The following STK24 variants were observed in gnomAD, a reference collection of about 807,000 sequenced individuals.
STK24 encodes the protein serine/threonine kinase 24, also known as serine/threonine-protein kinase 24.
In STK24, 21 loss-of-function variants were observed where a neutral mutation model predicts 55.6. The observed-to-expected ratio is 0.38, with a 90% CI of 0.27 to 0.54. The LOEUF (loss-of-function observed/expected upper bound fraction) is 0.54. Ranked by LOEUF, STK24 falls within the 20% of genes least tolerant of loss-of-function variation. The pLI is 0.79. For synonymous variants in STK24, 200 were observed against 215.2 expected, an observed-to-expected ratio of 0.93 and a Z score of 0.62; for missense variants, 383 against 538.4, an observed-to-expected ratio of 0.71 and a Z score of 2.86.
chr13:98,446,547 C>G lies in STK24; in HGVS notation c.*6626G>C. The G allele has an allele frequency of 9.6e-7, 1 of 1,046,816 alleles. No homozygotes were observed. The highest frequency in any genetic ancestry group is 1.4e-5 in the South Asian group (1 of 69,498). 64.8% of individuals were successfully genotyped at this position (1,046,816 alleles called of 1,614,324 possible). A position where few individuals can be genotyped will look rare whatever the true frequency, so the allele number is the denominator to read the frequency against. On this transcript the variant is annotated 3_prime_UTR_variant, in exon 11 of 11. Transcript: ENST00000539966. ...CTGGCTGCCATGGTCCCTTCCAGGC[C>G]CACGCCCGAGGAGGGAGCTGCCTGG...
intron 1 of STK24, among the ~76,000 whole-genome samples, chr13:98,524,279 C>T (rs965634604): frequency 6.6e-6 from 1 of 151,952 alleles, no homozygotes; most frequent in African/African-American, 2.4e-5. Flanking sequence ...GAGCAGCCCA[C>T]ACCTTGAACC....
At chr13:98,462,512 C>T (rs1264981587) in intron 7 of STK24, among the ~76,000 whole-genome samples, 1 of 152,126 alleles carries the variant, frequency 6.6e-6, no homozygotes, top group African/African-American at 2.4e-5. Context: ...CCTGTGGCCC[C>T]ATTAAGCCTG....
Position 98,541,888 on chromosome 13 carries a change from A to C in STK24, c.43-22415T>G, listed in dbSNP as rs1435934760. On this transcript the variant is annotated intron_variant, in intron 1 of 10. Transcript: ENST00000539966. ...ATAAATTCCGGGAAATGTGGAATAG[A>C]GTGAGCAATACTTTTCCACTCACTA... 2.6e-5 allele frequency among the ~76,000 whole-genome samples: 4 copies of C among 152,204 alleles called. 1 individual carries two copies. Among genetic ancestry groups the C allele is most frequent in the Admixed American group, 2.0e-4 (3 of 15,282 alleles).
chr13:98,480,518 C>T (rs7994182), intron 3 of STK24, among the ~76,000 whole-genome samples: 4,194 of 152,226 alleles, frequency 0.028, 183 homozygotes, highest in African/African-American at 0.095. Context: ...TAAAAGTAAT[C>T]CCACTACATT....
At position 98,565,109 on chromosome 13, in the gene STK24, T is replaced by C. The variant is rs147526926; in HGVS notation, c.42+11636A>G. The stretch of plus-strand genomic sequence containing the variant: ...CTGCTTTTCAAATGGGCAAGGCTAC[T>C]GTGTGCTTCACTAGAGTGGGGAGCA... On this transcript the variant is annotated intron_variant, in intron 1 of 10. Coordinates refer to ENST00000539966, the MANE Select transcript of STK24 (RefSeq NM_001032296.4). Among the ~76,000 whole-genome samples the C allele has an allele frequency of 3.2e-3, 491 of 152,334 alleles. 1 individual carries two copies. Among genetic ancestry groups the C allele is most frequent in the Middle Eastern group, 0.02 (6 of 294 alleles).
intron 1 of STK24, among the ~76,000 whole-genome samples, chr13:98,564,950 C>T (rs1319076797): frequency 6.6e-6 from 1 of 152,184 alleles, no homozygotes; most frequent in Non-Finnish European, 1.5e-5. Flanking sequence ...TTTATAAATA[C>T]ATGCTAAAAT....
chr13:98,508,119 C>T (rs149272563), intron 2 of STK24, among the ~76,000 whole-genome samples: 62 of 152,210 alleles, frequency 4.1e-4, no homozygotes, highest in African/African-American at 1.5e-3. Flanking sequence ...CCGCTTCTTG[C>T]TACTTCAAAT....
chr13:98,539,113 G>C (rs1896816410), intron 1 of STK24, among the ~76,000 whole-genome samples: 1 of 152,004 alleles, frequency 6.6e-6, no homozygotes, highest in Non-Finnish European at 1.5e-5. Context: ...TGCGCACTTT[G>C]TACACAATTT....
intron 8 of STK24, among the ~76,000 whole-genome samples, chr13:98,461,459 G>C (rs548964890): frequency 2.0e-5 from 3 of 152,278 alleles, no homozygotes; most frequent in African/African-American, 7.2e-5. Context: ...CAGTCCCTCA[G>C]AGCTATGAAG....
intron 2 of STK24, among the ~76,000 whole-genome samples, chr13:98,494,339 G>A (rs1895162666): frequency 2.1e-5 from 3 of 142,600 alleles, no homozygotes; most frequent in Non-Finnish European, 4.6e-5. Context: ...GCGTGGACCC[G>A]GGAGGCAGAG....
chr13:98,481,195 T>C (rs928779144), intron 3 of STK24, among the ~76,000 whole-genome samples: 1 of 152,244 alleles, frequency 6.6e-6, no homozygotes, highest in African/African-American at 2.4e-5. Flanking sequence ...CGAATTCGTT[T>C]GCATTTACTA....
intron 2 of STK24, among the ~76,000 whole-genome samples, chr13:98,500,035 C>T (rs1895392454): frequency 6.6e-6 from 1 of 152,186 alleles, no homozygotes; most frequent in Non-Finnish European, 1.5e-5. Flanking sequence ...TTTGTGTTTC[C>T]TAAGGAACAG....
intron 1 of STK24, among the ~76,000 whole-genome samples, chr13:98,547,765 C>T (rs185931696): frequency 1.3e-5 from 2 of 152,276 alleles, no homozygotes; most frequent in East Asian, 1.9e-4. Context: ...TAGTAAACTT[C>T]GCCTTATTAC....
chr13:98,446,277 CCT>C lies in STK24; in HGVS notation c.*6894_*6895del, dbSNP rs1265246113. The C allele has an allele frequency of 9.3e-6, 9 of 970,052 alleles. No individual in the cohort carries two copies. The Admixed American group carries it at 1.6e-4, about 17-fold the overall frequency. The allele number at this position is 970,052 out of a possible 1,614,324, so 60.1% of individuals were successfully genotyped here. On this transcript the variant is annotated 3_prime_UTR_variant, in exon 11 of 11. Coordinates refer to ENST00000539966, the MANE Select transcript of STK24 (RefSeq NM_001032296.4). Reference sequence around the variant, plus strand: ...CAGCATGAGGTGAGGGGGCCGCCCTCCTCTGGAATGACTCAGGCCTCTTGGGC... The same window carrying C: ...CAGCATGAGGTGAGGGGGCCGCCCTCCTGGAATGACTCAGGCCTCTTGGGC...
rs570263219 is a variant in STK24 at position 98,457,425 on chromosome 13, G to A, written c.1123-121C>T. 3.7e-5 allele frequency: 53 copies of A among 1,441,584 alleles called. No homozygotes were observed. The Admixed American group carries it at 7.8e-4, about 21-fold the overall frequency. The allele number at this position is 1,441,584 out of a possible 1,614,324, so 89.3% of individuals were successfully genotyped here. ...ACACTACCCCAGCCCCAGGGTGTCC[G>A]GGAAAAGCTTTGGCTAGGGCTCCAG... On this transcript the variant is annotated intron_variant, in intron 9 of 10. Coordinates refer to ENST00000539966, the MANE Select transcript of STK24 (RefSeq NM_001032296.4).
intron 2 of STK24, among the ~76,000 whole-genome samples, chr13:98,511,879 T>A (rs1895889321): frequency 6.7e-6 from 1 of 150,202 alleles, no homozygotes; most frequent in Non-Finnish European, 1.5e-5. Flanking sequence ...GGACTATACA[T>A]CCAAGAGTGA....
chr13:98,492,867 T>G (rs1895094729), intron 2 of STK24, among the ~76,000 whole-genome samples: 1 of 152,186 alleles, frequency 6.6e-6, no homozygotes, highest in South Asian at 2.1e-4. Flanking sequence ...AAACTGGGAC[T>G]CAAATCCAGA....
chr13:98,561,995 A>AAG (rs1290597372), intron 1 of STK24, among the ~76,000 whole-genome samples: 1 of 151,550 alleles, frequency 6.6e-6, no homozygotes, highest in East Asian at 1.9e-4. Context: ...AAAAAAAAAA[A>AAG]AAAAAAAGAT....
At chr13:98,568,989 A>C (rs1442732472) in intron 1 of STK24, among the ~76,000 whole-genome samples, 1 of 152,208 alleles carries the variant, frequency 6.6e-6, no homozygotes, top group Non-Finnish European at 1.5e-5. Context: ...TCAAAGAAAA[A>C]AGTCAATGAA....
Sources: allele counts gnomAD v4.1 joint callset (sites outside exome capture counted in the v4.1 genomes callset), GRCh38; gene constraint gnomAD v4.1.1; transcripts MANE v1.5; gene names NCBI Gene and HGNC (gene_info 2026-07-23, HGNC 2026-07-21).